Variants in SPTBN2 observed in about 807,000 individuals in gnomAD.
SPTBN2 encodes the protein spectrin beta chain, non-erythrocytic 2.
In SPTBN2, 107 loss-of-function variants were observed where a neutral mutation model predicts 284.2. The ratio of observed to expected loss-of-function variants is 0.38; its 90% CI spans 0.32 to 0.44. SPTBN2 has a LOEUF of 0.44. Ranked by LOEUF, SPTBN2 falls within the 20% of genes least tolerant of loss-of-function variation. The pLI is 1.00. For synonymous variants in SPTBN2, 1,289 were observed against 1,354.8 expected (o/e 0.95, Z 1.07); for missense variants, 2,569 against 3,287.1 (o/e 0.78, Z 5.34).
rs1941708696 is a variant in SPTBN2, at chr11:66,708,886, G to A, written c.1191+16C>T. The A allele has an allele frequency of 6.8e-6, 11 of 1,608,968 alleles. No homozygotes were observed. Among genetic ancestry groups the A allele is most frequent in the Non-Finnish European group, 9.4e-6 (11 of 1,175,508 alleles). ...GGCCTGCCCTGAGGGTGGGTGGCCT[G>A]TGGGCAGCCACGGACCTTGTTGATG... On this transcript the variant is annotated intron_variant, in intron 11 of 37. Coordinates refer to ENST00000533211, the MANE Select transcript of SPTBN2 (RefSeq NM_006946.4). This position sits in a 1 kb window ranked among gnomAD's most constrained non-coding sequence, Gnocchi z 4.4.
At position 66,705,014 on chromosome 11, in the gene SPTBN2, G is replaced by A. The variant is rs368022952; in HGVS notation, c.2262C>T (p.Ala754=). The A allele has an allele frequency of 7.2e-5, 115 of 1,603,770 alleles. No homozygotes were observed. Among genetic ancestry groups the A allele is most frequent in the South Asian group, 5.5e-4 (50 of 91,082 alleles). The part of the protein sequence containing the change: ...AQAASLYQFQ[A]DANDMEAWLV... Reference sequence around the variant, plus strand: ...ACCAGGCCTCCATGTCGTTTGCATCGGCCTGGAACTGGTAGAGGCTGGCGG... The same window carrying A: ...ACCAGGCCTCCATGTCGTTTGCATCAGCCTGGAACTGGTAGAGGCTGGCGG... The change falls in exon 15 of 38, where the codon GCC becomes GCT. Residue 754 remains alanine (A), a synonymous_variant. Transcript: ENST00000533211.
At chr11:66,728,288 G>C (rs1942707715) in intron 1 of SPTBN2, 1 of 145,518 alleles carries the variant, frequency 6.9e-6, no homozygotes, top group African/African-American at 2.5e-5. Flanking sequence ...CGGGCGGCGG[G>C]CGGGCGCTGT....
chr11:66,716,356 G>A (rs1295071059), intron 3 of SPTBN2, among the ~76,000 whole-genome samples: 4 of 151,890 alleles, frequency 2.6e-5, no homozygotes, highest in African/African-American at 4.8e-5. Context: ...AGTGGCGGGC[G>A]CCTGTAGTCC....
chr11:66,691,695 T>G lies in SPTBN2; in HGVS notation c.5191-37A>C, dbSNP rs1344775004. The G allele has an allele frequency of 6.2e-7, 1 of 1,612,102 alleles. No homozygotes were observed. ...AGCAGATGGACAGACCATGCCGTGA[T>G]GTTAGGGGATGTGGTCCCTGCCTGA... On this transcript the variant is annotated intron_variant, in intron 26 of 37. Coordinates refer to ENST00000533211, the MANE Select transcript of SPTBN2 (RefSeq NM_006946.4). The surrounding 1 kb of genome is among the most constrained non-coding windows in gnomAD (Gnocchi z 8.0).
rs745944699 is a variant in SPTBN2 at position 66,700,997 on chromosome 11, C to T, written c.3102G>A (p.Val1034=). The change falls in exon 17 of 38, where the codon GTG becomes GTA. Residue 1034 remains valine, a synonymous_variant. Transcript: ENST00000533211. This position sits in a 1 kb window ranked among gnomAD's most constrained non-coding sequence, Gnocchi z 6.6. ...CCTCTCTCAGCCGGGCGTTGATGGC[C>T]ACTGCCTGAGCGGGATGGCCGGCAG... ...ALAAGHPAQA[V]AINARLREVQ... 5.0e-6 allele frequency: 8 copies of T among 1,607,722 alleles called. No homozygotes were observed. Among genetic ancestry groups the T allele is most frequent in the East Asian group, 2.2e-5 (1 of 44,892 alleles).
rs1941784582 is a variant in SPTBN2, at chr11:66,710,298, C to G, written c.1073+284G>C. 6.6e-6 allele frequency among the ~76,000 whole-genome samples: 1 copy of G among 151,770 alleles called. No individual in the cohort carries two copies. The highest frequency in any genetic ancestry group is 2.1e-4 in the South Asian group (1 of 4,800). ...GACCTCAGTAGAGATGGGGTTTCAC[C>G]ATGTTGGCCAGACTGGTCTCGGTGA... is the stretch of plus-strand genomic sequence containing the variant. On this transcript the variant is annotated intron_variant, in intron 10 of 37. Transcript: ENST00000533211. This position sits in a 1 kb window ranked among gnomAD's most constrained non-coding sequence, Gnocchi z 4.9.
At position 66,687,486 on chromosome 11, in the gene SPTBN2, C is replaced by T; in HGVS notation, c.6663G>A (p.Met2221Ile). The change falls in exon 35 of 38, where the codon ATG becomes ATA. Residue 2221 changes from methionine (M) to isoleucine (I), a missense_variant. Physicochemically the swap from Met to Ile is conservative, Grantham distance 10 (BLOSUM62 1). This residue lies in a region of SPTBN2 where 1,130 missense variants were observed against 1,317.3 expected (regional missense o/e 0.86). Transcript: ENST00000533211. This position sits in a 1 kb window ranked among gnomAD's most constrained non-coding sequence, Gnocchi z 5.2. Reference protein sequence around the residue: ...RGPEPSAQEQMEGMLCRKQEM... With the variant: ...RGPEPSAQEQIEGMLCRKQEM... ...CCTGCTTGCGGCACAGCATCCCCTC[C>T]ATCTGCTCCTGGGCAGATGGCTCTG... is the stretch of plus-strand genomic sequence containing the variant. The T allele has an allele frequency of 6.2e-7, 1 of 1,611,186 alleles. No individual in the cohort carries two copies. The highest frequency in any genetic ancestry group is 8.5e-7 in the Non-Finnish European group (1 of 1,180,000).
rs1020854805 is a variant in SPTBN2 at position 66,718,274 on chromosome 11, T to C, written c.158-2293A>G. On this transcript the variant is annotated intron_variant, in intron 3 of 37. Coordinates refer to ENST00000533211, the MANE Select transcript of SPTBN2 (RefSeq NM_006946.4). This position sits in a 1 kb window ranked among gnomAD's most constrained non-coding sequence, Gnocchi z 4.8. The stretch of plus-strand genomic sequence containing the variant: ...CCATTCCGTTGACATCTGTGTATTT[T>C]CCGGCCTCTTGTAATTATCCCCTCT... Among the ~76,000 whole-genome samples the C allele has an allele frequency of 3.3e-5, 5 of 152,240 alleles. No individual in the cohort carries two copies. The highest frequency in any genetic ancestry group is 1.2e-4 in the African/African-American group (5 of 41,468).
chr11:66,687,058 G>A lies in SPTBN2; in HGVS notation c.6832C>T (p.Leu2278=), dbSNP rs1441693377. Residue 2278 remains leucine, a synonymous_variant, in exon 36 of 38, where the codon CTG becomes TTG. Coordinates refer to ENST00000533211, the MANE Select transcript of SPTBN2 (RefSeq NM_006946.4). The surrounding 1 kb of genome is among the most constrained non-coding windows in gnomAD (Gnocchi z 5.2). ...GCGACGCTGCCCTGGGCCCTGGCCA[G>A]GCTGACAGGCACTTCTCCGTGGTAT... is the stretch of plus-strand genomic sequence containing the variant. ...VPYHGEVPVS[L]ARAQGSVAFD... is the part of the protein sequence containing the mutation. 6.2e-7 allele frequency: 1 copy of A among 1,614,150 alleles called. No individual in the cohort carries two copies. The highest frequency in any genetic ancestry group is 1.1e-5 in the South Asian group (1 of 91,086).
intron 1 of SPTBN2, among the ~76,000 whole-genome samples, chr11:66,741,294 G>A (rs1344309376): frequency 1.3e-5 from 2 of 152,078 alleles, no homozygotes; most frequent in Admixed American, 1.3e-4. Context: ...TTTATAAGGG[G>A]CTTCCCCCTT....
chr11:66,717,535 G>T (rs1190076192), intron 3 of SPTBN2, among the ~76,000 whole-genome samples: 1 of 152,100 alleles, frequency 6.6e-6, no homozygotes, highest in Non-Finnish European at 1.5e-5. Context: ...ACCAAACCTG[G>T]GGTCCTAATA....
chr11:66,728,745 G>A lies in SPTBN2; in HGVS notation c.-118C>T, dbSNP rs1389090132. 5 of 152,060 alleles carry A rather than the reference G, an allele frequency of 3.3e-5. No homozygotes were observed. Among genetic ancestry groups the A allele is most frequent in the African/African-American group, 1.2e-4 (5 of 41,372 alleles). The allele number at this position is 152,060 out of a possible 1,614,324, so 9.4% of individuals were successfully genotyped here. A position where few individuals can be genotyped will look rare whatever the true frequency, so the allele number is the denominator to read the frequency against. On this transcript the variant is annotated 5_prime_UTR_variant, in exon 1 of 38. Coordinates refer to ENST00000533211, the MANE Select transcript of SPTBN2 (RefSeq NM_006946.4). ...TCCCCGGTTCGGACACCTCACCTTT[G>A]TCCCTATTCTGCTTTTCCTCCAAAA...
chr11:66,694,045 T>C (rs1940745898), intron 22 of SPTBN2, 94 bp downstream of exon 22: 3 of 1,484,542 alleles, frequency 2.0e-6, no homozygotes, highest in African/African-American at 1.4e-5. Context: ...GAAGAGGGAA[T>C]AGAGCCCTGC....
chr11:66,699,566 C>T lies in SPTBN2; in HGVS notation c.3616G>A (p.Ala1206Thr), dbSNP rs747697192. Residue 1206 changes from alanine to threonine, a missense_variant, in exon 18 of 38, where the codon GCT (alanine) becomes ACT (threonine). Physicochemically the swap from Ala to Thr is moderately conservative, Grantham distance 58. This residue lies in a region of SPTBN2 where 1,012 missense variants were observed against 1,248.9 expected (regional missense o/e 0.81). Coordinates refer to ENST00000533211, the MANE Select transcript of SPTBN2 (RefSeq NM_006946.4). The stretch of plus-strand genomic sequence containing the variant: ...AGTTTTTTAATGGCAGCATCAGCAG[C>T]CTGGAGTGTCCCTGGCATCTCCGTG... ...SHTEMPGTLQ[A>T]ADAAIKKLED... is the part of the protein sequence containing the mutation. 3.1e-6 allele frequency: 5 copies of T among 1,614,148 alleles called. No individual in the cohort carries two copies. In the Admixed American group the frequency reaches 6.7e-5, roughly 22 times the overall value.
chr11:66,714,669 C>T (rs1251460431), intron 5 of SPTBN2, among the ~76,000 whole-genome samples: 2 of 152,098 alleles, frequency 1.3e-5, no homozygotes, highest in Non-Finnish European at 2.9e-5. Flanking sequence ...GAACTGCAGG[C>T]AGAAGAGTGA....
chr11:66,715,760 T>C lies in SPTBN2; in HGVS notation c.309+70A>G, dbSNP rs1942113981. On this transcript the variant is annotated intron_variant, in intron 4 of 37. Coordinates refer to ENST00000533211, the MANE Select transcript of SPTBN2 (RefSeq NM_006946.4). The surrounding 1 kb of genome is among the most constrained non-coding windows in gnomAD (Gnocchi z 5.3). ...CTGTGCCGTCACTCTCTCTGAGGGC[T>C]GTTCTTCCAGCTGGTCCCCTTGGAC... The C allele has an allele frequency of 1.3e-6, 2 of 1,586,566 alleles. No homozygotes were observed. The highest frequency in any genetic ancestry group is 3.5e-5 in the Admixed American group (2 of 56,558).
At chr11:66,742,303 G>A (rs148176524) in intron 1 of SPTBN2, among the ~76,000 whole-genome samples, 334 of 152,250 alleles carry the variant, frequency 2.2e-3, no homozygotes, top group African/African-American at 7.5e-3. Flanking sequence ...GCCTGAATAC[G>A]TGGGTTTACG....
At position 66,705,465 on chromosome 11, in the gene SPTBN2, T is replaced by C. The variant is rs1007920541; in HGVS notation, c.1811A>G (p.Tyr604Cys). 6.8e-6 allele frequency: 11 copies of C among 1,613,046 alleles called. No individual in the cohort carries two copies. Among genetic ancestry groups the C allele is most frequent in the South Asian group, 1.1e-5 (1 of 91,090 alleles). The change falls in exon 15 of 38, where the codon TAT (tyrosine) becomes TGT (cysteine). Residue 604 changes from tyrosine (Y) to cysteine (C), a missense_variant. Around this residue, in one of 6 missense-constraint regions of SPTBN2, gnomAD observed 1,012 missense variants for 1,248.9 expected, o/e 0.81. Coordinates refer to ENST00000533211, the MANE Select transcript of SPTBN2 (RefSeq NM_006946.4). ...ALRFCNPGKE[Y>C]RPCDPQLVSE... is the part of the protein sequence containing the mutation. ...CACCAGCTGCGGGTCGCAAGGTCTA[T>C]ACTCTGAGAAAGTCACAGGAGAGGG... is the stretch of plus-strand genomic sequence containing the variant.
intron 29 of SPTBN2, among the ~76,000 whole-genome samples, chr11:66,689,572 G>A (rs1412900970): frequency 6.6e-6 from 1 of 152,094 alleles, no homozygotes; most frequent in Non-Finnish European, 1.5e-5. Context: ...CCAAAGTGCT[G>A]GGATTACAGG....
Sources: gnomAD v4.1 joint callset for allele counts (sites outside exome capture counted in the v4.1 genomes callset) on GRCh38, gnomAD v4.1.1 for gene constraint, gnomAD v4.1.1 regional missense constraint, Gnocchi (gnomAD v3.1) non-coding constraint, MANE v1.5 for transcripts, NCBI Gene and HGNC (gene_info 2026-07-23, HGNC 2026-07-21) for gene names.